The following ANAPC4 variants were observed in gnomAD, a reference collection of about 807,000 sequenced individuals.
The protein encoded by ANAPC4 is anaphase-promoting complex subunit 4.
Under a neutral mutation model 119.8 loss-of-function variants are expected in ANAPC4, and 63 were observed. That is an observed-to-expected ratio of 0.53 (90% CI 0.43 to 0.65). The LOEUF (loss-of-function observed/expected upper bound fraction) is 0.65, where lower values mean the gene tolerates loss of function less well. Among genes scored for constraint, ANAPC4 ranks in the 30% least tolerant of loss-of-function variants. ANAPC4 has a pLI of 0.00. For missense variants in ANAPC4, 716 were observed against 945.1 expected (o/e 0.76, Z 3.18); for synonymous variants, 283 against 318.6 (o/e 0.89, Z 1.19).
At chr4:25,385,992 G>A (rs997581391) in intron 4 of ANAPC4, among the ~76,000 whole-genome samples, 7 of 151,738 alleles carry the variant, frequency 4.6e-5, no homozygotes, top group Admixed American at 1.3e-4. Flanking sequence ...GTGCAGTGGC[G>A]CCATCTTGGC....
rs1390010142 is a variant in ANAPC4 at position 25,391,023 on chromosome 4, T to C, written c.705+8T>C. The C allele has an allele frequency of 6.3e-7, 1 of 1,580,936 alleles. No homozygotes were observed. On this transcript the variant is annotated splice_region_variant and intron_variant, in intron 9 of 28. Coordinates refer to ENST00000315368, the MANE Select transcript of ANAPC4 (RefSeq NM_013367.3). ...GAAGTTTCATACTTTCAGGTGAGTATTGGAACTTGATAACGGTAGAGAGTA... is the reference window on the plus strand; with the variant it reads ...GAAGTTTCATACTTTCAGGTGAGTACTGGAACTTGATAACGGTAGAGAGTA...
At position 25,391,924 on chromosome 4, in the gene ANAPC4, G is replaced by A. The variant is rs574148477; in HGVS notation, c.706-414G>A. On this transcript the variant is annotated intron_variant, in intron 9 of 28. Transcript: ENST00000315368. Reference sequence around the variant, plus strand: ...TATAATAAAATGATTCACTACTACTGTGAAGTTGGTAACAGATCATTTTTA... The same window carrying A: ...TATAATAAAATGATTCACTACTACTATGAAGTTGGTAACAGATCATTTTTA... Among the ~76,000 whole-genome samples, 10 of 152,304 alleles carry A rather than the reference G, an allele frequency of 6.6e-5. No homozygotes were observed. The East Asian group carries it at 1.7e-3, about 26-fold the overall frequency.
At position 25,394,975 on chromosome 4, in the gene ANAPC4, C is replaced by T; in HGVS notation, c.1061+70C>T. 2.5e-6 allele frequency: 3 copies of T among 1,193,020 alleles called. 1 individual carries two copies. Among genetic ancestry groups the T allele is most frequent in the Admixed American group, 4.5e-5 (2 of 44,064 alleles). 73.9% of individuals were successfully genotyped at this position (1,193,020 alleles called of 1,614,324 possible). A position where few individuals can be genotyped will look rare whatever the true frequency, so the allele number is the denominator to read the frequency against. ...CCTGGCGTTGGCCTTCTTTCCGCCG[C>T]CTTTTCTTCATCTGGCATTCTCTTT... On this transcript the variant is annotated intron_variant, in intron 14 of 28. Transcript: ENST00000315368.
chr4:25,389,317 CCTGT>C (rs1216102582), intron 7 of ANAPC4, among the ~76,000 whole-genome samples: 3 of 152,304 alleles, frequency 2.0e-5, no homozygotes, highest in Admixed American at 1.3e-4. Flanking sequence ...CGCCACCAGG[CCTGT>C]CTAATTTTTT....
chr4:25,403,214 C>G (rs564771188), intron 17 of ANAPC4, among the ~76,000 whole-genome samples, 188 bp downstream of exon 17: 1 of 152,090 alleles, frequency 6.6e-6, no homozygotes, highest in Non-Finnish European at 1.5e-5. Flanking sequence ...TTTATTCATA[C>G]ACCCAGCTCA....
chr4:25,414,739 T>C (rs780103978), intron 25 of ANAPC4, 39 bp downstream of exon 25: 4 of 1,430,242 alleles, frequency 2.8e-6, no homozygotes, highest in Non-Finnish European at 3.7e-6. Context: ...AGAGATAAGA[T>C]TTTATTATTT....
chr4:25,413,627 G>A lies in ANAPC4; in HGVS notation c.1526-18G>A. The A allele has an allele frequency of 6.3e-7, 1 of 1,583,212 alleles. No individual in the cohort carries two copies. Among genetic ancestry groups the A allele is most frequent in the Non-Finnish European group, 8.6e-7 (1 of 1,161,904 alleles). ...TATAGCTTCTTTTATTTTTGTTTCT[G>A]TTTTTGTTTGAAACCAGAAAGTCCT... On this transcript the variant is annotated intron_variant, in intron 21 of 28. Transcript: ENST00000315368.
At chr4:25,390,859 C>T in intron 8 of ANAPC4, 52 bp from the exon 9 acceptor site, 1 of 1,389,214 alleles carries the variant, frequency 7.2e-7, no homozygotes, top group Non-Finnish European at 1.0e-6. Context: ...TGATAATCAG[C>T]TTCAACCTAG....
chr4:25,381,777 ATCTCTACTAAAAATACAAAAAT>A (rs1721741191), intron 3 of ANAPC4, among the ~76,000 whole-genome samples: 1 of 152,144 alleles, frequency 6.6e-6, no homozygotes, highest in African/African-American at 2.4e-5. Flanking sequence ...GTGAAACCCC[ATCTCTACTAAAAATACAAAAAT>A]TAGCCAGGCG....
At chr4:25,390,100 G>T (rs764282053) in intron 7 of ANAPC4, 36 bp from the exon 8 acceptor site, 1 of 1,399,494 alleles carries the variant, frequency 7.1e-7, no homozygotes, top group Non-Finnish European at 1.0e-6. Context: ...CTGTGTTGTT[G>T]ATTGGTTCTC....
At chr4:25,396,565 T>C in intron 14 of ANAPC4, 99 bp from the exon 15 acceptor site, 1 of 869,712 alleles carries the variant, frequency 1.1e-6, no homozygotes, top group Non-Finnish European at 1.8e-6. Flanking sequence ...AAATGAAAGT[T>C]ACTTTCAGTT....
intron 26 of ANAPC4, 22 bp downstream of exon 26, chr4:25,415,562 G>A (rs1259215877): frequency 6.3e-7 from 1 of 1,597,292 alleles, no homozygotes; most frequent in Non-Finnish European, 8.6e-7. Flanking sequence ...ATCTTGTTTG[G>A]ATGAAATGTA....
intron 5 of ANAPC4, 59 bp from the exon 6 acceptor site, chr4:25,388,658 T>G: frequency 6.4e-7 from 1 of 1,566,712 alleles, no homozygotes; most frequent in Non-Finnish European, 8.7e-7. Context: ...TTCTCATGCG[T>G]TTTAAAATAT....
At position 25,416,509 on chromosome 4, in the gene ANAPC4, A is replaced by G; in HGVS notation, c.1986A>G (p.Arg662=). 1 of 1,608,274 alleles carries G rather than the reference A, an allele frequency of 6.2e-7. No individual in the cohort carries two copies. Among genetic ancestry groups the G allele is most frequent in the Non-Finnish European group, 8.5e-7 (1 of 1,175,812 alleles). Residue 662 remains arginine, a synonymous_variant, in exon 27 of 29, where the codon AGA becomes AGG. Transcript: ENST00000315368. ...AAGACACTGTAGGACGTGAAGGAAG[A>G]GATAGACTCTTGGTCCAGCTGCCTT... ...VLKDTVGREG[R]DRLLVQLPLS... is the part of the protein sequence containing the mutation.
chr4:25,383,391 C>T lies in ANAPC4; in HGVS notation c.366C>T (p.Ser122=). The T allele has an allele frequency of 6.3e-7, 1 of 1,599,142 alleles. No individual in the cohort carries two copies. The highest frequency in any genetic ancestry group is 8.5e-7 in the Non-Finnish European group (1 of 1,175,072). The part of the protein sequence containing the change: ...CMHWMEVTVE[S]SVLTSFYNAE... Reference sequence around the variant, plus strand: ...ATTGGATGGAAGTGACAGTAGAAAGCAGGTAATTAGAAAAACTTATGTAGT... The same window carrying T: ...ATTGGATGGAAGTGACAGTAGAAAGTAGGTAATTAGAAAAACTTATGTAGT... The change falls in exon 4 of 29, where the codon AGC becomes AGT. Residue 122 remains serine (S), a splice_region_variant and synonymous_variant. Coordinates refer to ENST00000315368, the MANE Select transcript of ANAPC4 (RefSeq NM_013367.3).
intron 4 of ANAPC4, among the ~76,000 whole-genome samples, chr4:25,386,127 G>A (rs1215749961): frequency 6.6e-6 from 1 of 151,970 alleles, no homozygotes; most frequent in Non-Finnish European, 1.5e-5. Flanking sequence ...TGGTCAGACT[G>A]GTCTTGAACT....
intron 28 of ANAPC4, 67 bp from the exon 29 acceptor site, chr4:25,418,088 A>G: frequency 7.2e-7 from 1 of 1,391,776 alleles, no homozygotes; most frequent in Non-Finnish European, 9.9e-7. Flanking sequence ...CAGACTTCTG[A>G]TTTCTAATTC....
chr4:25,379,257 A>T (rs1335304109), intron 2 of ANAPC4, among the ~76,000 whole-genome samples: 1 of 152,172 alleles, frequency 6.6e-6, no homozygotes, highest in African/African-American at 2.4e-5. Flanking sequence ...AAGCCAGGAC[A>T]TCATAGCTCT....
At chr4:25,378,730 A>G (rs534384018) in intron 2 of ANAPC4, among the ~76,000 whole-genome samples, 2 of 152,236 alleles carry the variant, frequency 1.3e-5, no homozygotes, top group South Asian at 4.2e-4. Flanking sequence ...GACTTGGGAA[A>G]CCTAATAGGA....
Sources: allele counts gnomAD v4.1 joint callset (sites outside exome capture counted in the v4.1 genomes callset), GRCh38; gene constraint gnomAD v4.1.1; transcripts MANE v1.5; gene names NCBI Gene and HGNC (gene_info 2026-07-23, HGNC 2026-07-21).